The following ABRACL variants were observed in gnomAD, a reference collection of about 807,000 sequenced individuals.
The protein encoded by ABRACL is ABRA C-terminal like, also known as costars family protein ABRACL.
In ABRACL, 4 loss-of-function variants were observed where a neutral mutation model predicts 7.0. The ratio of observed to expected loss-of-function variants is 0.57; its 90% CI spans 0.28 to 1.30. The LOEUF (loss-of-function observed/expected upper bound fraction) is 1.30. ABRACL is among the 50% of genes most tolerant of loss of function. ABRACL has a pLI of 0.10. For missense variants in ABRACL, 104 were observed against 97.3 expected, an observed-to-expected ratio of 1.07 and a Z score of -0.29; for synonymous variants, 30 against 36.0, an observed-to-expected ratio of 0.83 and a Z score of 0.60.
chr6:139,041,461 A>C (rs1363987995), intron 2 of ABRACL, among the ~76,000 whole-genome samples: 26 of 136,710 alleles, frequency 1.9e-4, no homozygotes, highest in East Asian at 1.2e-3. Flanking sequence ...CTATATATAT[A>C]TATATATATT....
At chr6:139,042,254 T>TC (rs1255377815) in intron 2 of ABRACL, among the ~76,000 whole-genome samples, 2 of 148,620 alleles carry the variant, frequency 1.3e-5, no homozygotes, top group Admixed American at 1.3e-4. Context: ...GATTCAGTGG[T>TC]CCTGATGAAT....
In ABRACL at chr6:139,042,844, G is replaced by A. The variant is rs1786273283; in HGVS notation, c.187G>A (p.Gly63Arg). 6.2e-7 allele frequency: 1 copy of A among 1,613,776 alleles called. No homozygotes were observed. The highest frequency in any genetic ancestry group is 1.3e-5 in the African/African-American group (1 of 74,932). The part of the protein sequence containing the change: ...AKRRKIVTYP[G>R]ELLLQGVHDD... ...ACGAAGGAAGATTGTAACATATCCA[G>A]GAGAGCTGCTTCTGCAAGGTGTTCA... The change falls in exon 3 of 3, where the codon GGA (glycine) becomes AGA (arginine). Residue 63 changes from glycine to arginine, a missense_variant. Gly to Arg is a moderately radical substitution (Grantham distance 125). Transcript: ENST00000367660.
chr6:139,029,572 C>T (rs560711856), intron 1 of ABRACL, among the ~76,000 whole-genome samples: 56 of 152,250 alleles, frequency 3.7e-4, no homozygotes, highest in Non-Finnish European at 6.0e-4. Flanking sequence ...GCCCCGCGCT[C>T]CCCAGCCCTG....
intron 2 of ABRACL, among the ~76,000 whole-genome samples, chr6:139,042,297 C>G (rs947980911): frequency 5.9e-5 from 9 of 152,150 alleles, no homozygotes; most frequent in South Asian, 4.1e-4. Context: ...AGGAGCCCCC[C>G]ACTCCCACCC....
At chr6:139,030,547 AAAT>A (rs527561582) in intron 1 of ABRACL, among the ~76,000 whole-genome samples, 122 of 152,266 alleles carry the variant, frequency 8.0e-4, no homozygotes, top group African/African-American at 2.8e-3. Context: ...TCTCCTTCCT[AAAT>A]AATAAATAAA....
intron 2 of ABRACL, among the ~76,000 whole-genome samples, chr6:139,035,296 G>A (rs1368706082): frequency 6.6e-6 from 1 of 152,122 alleles, no homozygotes; most frequent in Non-Finnish European, 1.5e-5. Context: ...GTTTGACAAC[G>A]GTCCTGCTGG....
chr6:139,038,299 A>G (rs1237863675), intron 2 of ABRACL, among the ~76,000 whole-genome samples: 2 of 152,218 alleles, frequency 1.3e-5, no homozygotes, highest in Non-Finnish European at 2.9e-5. Context: ...GACTTAAGAT[A>G]ATTATCGTAA....
chr6:139,034,355 C>T, intron 2 of ABRACL, 134 bp downstream of exon 2: 1 of 1,572,516 alleles, frequency 6.4e-7, no homozygotes, highest in Non-Finnish European at 8.6e-7. Context: ...CCCACAGCCC[C>T]AGGTTATAAC....
intron 2 of ABRACL, among the ~76,000 whole-genome samples, chr6:139,041,447 CTCTCTA>C (rs1244988418): frequency 9.0e-5 from 6 of 66,856 alleles, no homozygotes; most frequent in East Asian, 5.6e-4. Flanking sequence ...CTCTCTCTCT[CTCTCTA>C]TATATATATA....
In ABRACL at chr6:139,043,008, C is replaced by T; in HGVS notation, c.*105C>T. 1.0e-6 allele frequency: 1 copy of T among 986,842 alleles called. No homozygotes were observed. The highest frequency in any genetic ancestry group is 1.7e-5 in the African/African-American group (1 of 60,030). 61.1% of individuals were successfully genotyped at this position (986,842 alleles called of 1,614,324 possible). ...ACATACTTAATGTATTTTTATAGAA[C>T]TTTGTAAACGAAAGGAGATTCATGT... On this transcript the variant is annotated 3_prime_UTR_variant, in exon 3 of 3. Transcript: ENST00000367660.
At chr6:139,031,474 G>C (rs900686173) in intron 1 of ABRACL, among the ~76,000 whole-genome samples, 8 of 152,116 alleles carry the variant, frequency 5.3e-5, no homozygotes, top group Non-Finnish European at 1.2e-4. Flanking sequence ...AGATTCTTTA[G>C]AGTGCAAGTA....
At chr6:139,038,526 G>C (rs1191186501) in intron 2 of ABRACL, among the ~76,000 whole-genome samples, 1 of 152,126 alleles carries the variant, frequency 6.6e-6, no homozygotes, top group Non-Finnish European at 1.5e-5. Flanking sequence ...GATGAATTTA[G>C]TTTTATCTTT....
At chr6:139,030,702 C>T (rs1418890740) in intron 1 of ABRACL, among the ~76,000 whole-genome samples, 2 of 152,186 alleles carry the variant, frequency 1.3e-5, no homozygotes, top group Non-Finnish European at 2.9e-5. Flanking sequence ...CATACAAATA[C>T]CACTCACTAT....
intron 2 of ABRACL, among the ~76,000 whole-genome samples, chr6:139,040,031 G>C (rs752638793): frequency 6.6e-6 from 1 of 152,100 alleles, no homozygotes; most frequent in African/African-American, 2.4e-5. Flanking sequence ...GTTCGAGGTT[G>C]CAGTGAGCTG....
At position 139,042,838 on chromosome 6, in the gene ABRACL, T is replaced by C; in HGVS notation, c.181T>C (p.Tyr61His). ...KAAKRRKIVT[Y>H]PGELLLQGVH... ...TGCAAAACGAAGGAAGATTGTAACA[T>C]ATCCAGGAGAGCTGCTTCTGCAAGG... The change falls in exon 3 of 3, where the codon TAT becomes CAT. Residue 61 changes from tyrosine to histidine, a missense_variant. Tyr to His is a moderately conservative substitution (Grantham distance 83, BLOSUM62 2). Coordinates refer to ENST00000367660, the MANE Select transcript of ABRACL (RefSeq NM_021243.3). 1 of 1,614,010 alleles carries C rather than the reference T, an allele frequency of 6.2e-7. No individual in the cohort carries two copies. The highest frequency in any genetic ancestry group is 8.5e-7 in the Non-Finnish European group (1 of 1,179,976).
intron 2 of ABRACL, among the ~76,000 whole-genome samples, chr6:139,034,872 G>A (rs1478566918): frequency 2.6e-5 from 4 of 152,098 alleles, no homozygotes; most frequent in Non-Finnish European, 2.9e-5. Flanking sequence ...TTCCTAAGTC[G>A]TAATGAAAAT....
chr6:139,035,538 A>AGT (rs1429440205), intron 2 of ABRACL, among the ~76,000 whole-genome samples: 1 of 151,810 alleles, frequency 6.6e-6, no homozygotes, highest in Non-Finnish European at 1.5e-5. Context: ...GCTAGAGTGC[A>AGT]GTGGTGCAAT....
At chr6:139,036,963 G>A (rs973264671) in intron 2 of ABRACL, among the ~76,000 whole-genome samples, 5 of 151,948 alleles carry the variant, frequency 3.3e-5, no homozygotes, top group African/African-American at 1.2e-4. Context: ...CACCCTGGGG[G>A]ACAGAGTGAG....
At chr6:139,037,545 G>T (rs1200776397) in intron 2 of ABRACL, among the ~76,000 whole-genome samples, 1 of 152,082 alleles carries the variant, frequency 6.6e-6, no homozygotes, top group Non-Finnish European at 1.5e-5. Flanking sequence ...ACAGGCGTGA[G>T]CCACTTCATC....
Sources: allele counts gnomAD v4.1 joint callset (sites outside exome capture counted in the v4.1 genomes callset), GRCh38; gene constraint gnomAD v4.1.1; transcripts MANE v1.5; gene names NCBI Gene and HGNC (gene_info 2026-07-23, HGNC 2026-07-21).